The following DPP10 variants were observed in gnomAD, a reference collection of about 807,000 sequenced individuals.
DPP10 encodes the protein inactive dipeptidyl peptidase 10.
Under a neutral mutation model 120.9 loss-of-function variants are expected in DPP10, and 33 were observed. The ratio of observed to expected loss-of-function variants is 0.27; its 90% CI spans 0.21 to 0.37. The LOEUF is 0.37. DPP10 is among the 10% of genes least tolerant of loss of function. The pLI, the probability that DPP10 is intolerant of heterozygous loss-of-function variation, is 1.00. For synonymous variants in DPP10, 337 were observed against 326.1 expected, an observed-to-expected ratio of 1.03 and a Z score of -0.36; for missense variants, 816 against 942.8, an observed-to-expected ratio of 0.87 and a Z score of 1.76.
At chr2:114,685,559 T>C (rs1322295973) in intron 1 of DPP10, among the ~76,000 whole-genome samples, 1 of 151,996 alleles carries the variant, frequency 6.6e-6, no homozygotes, top group Non-Finnish European at 1.5e-5. Flanking sequence ...CCATTTGATA[T>C]CCTATAATCA....
At chr2:114,544,859 A>AT (rs34800239) in intron 1 of DPP10, among the ~76,000 whole-genome samples, 25 of 148,820 alleles carry the variant, frequency 1.7e-4, no homozygotes, top group South Asian at 4.3e-4. Flanking sequence ...AATATATTAA[A>AT]TTTTTTTTTT....
intron 1 of DPP10, among the ~76,000 whole-genome samples, chr2:114,662,840 A>C (rs1477721795): frequency 1.3e-5 from 2 of 152,106 alleles, no homozygotes; most frequent in Non-Finnish European, 2.9e-5. Flanking sequence ...TTAGGTCCAG[A>C]GCACCTGCTG....
At chr2:115,478,552 A>G (rs2075234815) in intron 3 of DPP10, among the ~76,000 whole-genome samples, 1 of 152,172 alleles carries the variant, frequency 6.6e-6, no homozygotes, top group South Asian at 2.1e-4. Flanking sequence ...AAATATACAC[A>G]AATTGGACTT....
intron 1 of DPP10, among the ~76,000 whole-genome samples, chr2:115,167,863 T>G (rs1273601320): frequency 6.6e-6 from 1 of 152,198 alleles, no homozygotes; most frequent in African/African-American, 2.4e-5. Flanking sequence ...TGTTCTACTC[T>G]GTAAGAAGTC....
intron 1 of DPP10, among the ~76,000 whole-genome samples, chr2:114,507,968 T>C (rs1332888709): frequency 6.6e-6 from 1 of 152,208 alleles, no homozygotes; most frequent in Non-Finnish European, 1.5e-5. Context: ...AAGTAGAATT[T>C]GGAAATGACA....
At chr2:114,960,435 A>G (rs1212004751) in intron 1 of DPP10, among the ~76,000 whole-genome samples, 1 of 151,380 alleles carries the variant, frequency 6.6e-6, no homozygotes, top group Non-Finnish European at 1.5e-5. Flanking sequence ...TAACTGCTGG[A>G]AAACCAAAAA....
intron 1 of DPP10, among the ~76,000 whole-genome samples, chr2:115,239,068 G>C (rs537659083): frequency 5.9e-5 from 9 of 152,254 alleles, no homozygotes; most frequent in Admixed American, 5.9e-4. Flanking sequence ...TGTTCTGGCA[G>C]CACTGGCAGC....
chr2:115,385,928 G>A (rs758225673), intron 3 of DPP10, among the ~76,000 whole-genome samples: 2 of 152,098 alleles, frequency 1.3e-5, no homozygotes, highest in African/African-American at 2.4e-5. Flanking sequence ...CAAAATTTCC[G>A]AAAGACAAGC....
At chr2:114,678,243 T>G (rs1436278685) in intron 1 of DPP10, among the ~76,000 whole-genome samples, 1 of 152,098 alleles carries the variant, frequency 6.6e-6, no homozygotes, top group Non-Finnish European at 1.5e-5. Context: ...AGTATGTCAT[T>G]AAGTCTGTGT....
At chr2:114,585,390 T>C (rs531761569) in intron 1 of DPP10, among the ~76,000 whole-genome samples, 1 of 152,218 alleles carries the variant, frequency 6.6e-6, no homozygotes, top group African/African-American at 2.4e-5. Context: ...GATTGCCAGA[T>C]TCAGACTTGA....
At chr2:115,078,352 A>G (rs773831508) in intron 1 of DPP10, among the ~76,000 whole-genome samples, 16 of 152,232 alleles carry the variant, frequency 1.1e-4, no homozygotes, top group Middle Eastern at 3.2e-3. Flanking sequence ...AACCTCACAA[A>G]CACATCATGG....
chr2:115,187,316 G>A (rs1488218131), intron 1 of DPP10, among the ~76,000 whole-genome samples: 6 of 152,014 alleles, frequency 3.9e-5, no homozygotes, highest in African/African-American at 1.2e-4. Context: ...GATTACAGGC[G>A]TGAGCCACCG....
At chr2:115,839,943 T>G (rs1689919517) in intron 24 of DPP10, among the ~76,000 whole-genome samples, 1 of 152,124 alleles carries the variant, frequency 6.6e-6, no homozygotes, top group South Asian at 2.1e-4. Context: ...TAATGAGATG[T>G]GTATTCTATT....
intron 1 of DPP10, among the ~76,000 whole-genome samples, chr2:115,075,951 C>G (rs910550438): frequency 4.6e-5 from 7 of 152,034 alleles, no homozygotes; most frequent in Admixed American, 3.9e-4. Flanking sequence ...TTAAGGGAGG[C>G]TGCTATTGTG....
chr2:114,792,565 G>T (rs1683347050), intron 1 of DPP10, among the ~76,000 whole-genome samples: 1 of 152,184 alleles, frequency 6.6e-6, no homozygotes, highest in Non-Finnish European at 1.5e-5. Flanking sequence ...TTTTGAGATA[G>T]TCCCCATTTT....
chr2:115,370,346 T>G (rs1462761082), intron 3 of DPP10, among the ~76,000 whole-genome samples: 1 of 152,080 alleles, frequency 6.6e-6, no homozygotes, highest in African/African-American at 2.4e-5. Flanking sequence ...GCACAGTAAT[T>G]GATCATATTA....
intron 1 of DPP10, among the ~76,000 whole-genome samples, chr2:115,263,700 C>A (rs1201912235): frequency 6.6e-6 from 1 of 152,162 alleles, no homozygotes; most frequent in Admixed American, 6.5e-5. Context: ...TATAAAAAGT[C>A]ATTTCAAAAT....
intron 1 of DPP10, among the ~76,000 whole-genome samples, chr2:115,252,354 G>T (rs2058792781): frequency 6.6e-6 from 1 of 152,134 alleles, no homozygotes; most frequent in Non-Finnish European, 1.5e-5. Flanking sequence ...TAATTCCAGT[G>T]AGTACTTTTA....
At chr2:115,002,467 A>G (rs749074699) in intron 1 of DPP10, among the ~76,000 whole-genome samples, 49 of 152,320 alleles carry the variant, frequency 3.2e-4, no homozygotes, top group Non-Finnish European at 6.3e-4. Flanking sequence ...CCTGGCAAAG[A>G]TTTTATGACA....
Sources: gnomAD v4.1 joint callset for allele counts (sites outside exome capture counted in the v4.1 genomes callset) on GRCh38, gnomAD v4.1.1 for gene constraint, MANE v1.5 for transcripts, NCBI Gene and HGNC (gene_info 2026-07-23, HGNC 2026-07-21) for gene names.